Variants in PTPRN2 observed in about 807,000 individuals in gnomAD.
PTPRN2 encodes receptor-type tyrosine-protein phosphatase N2.
Under a neutral mutation model 118.8 loss-of-function variants are expected in PTPRN2, and 74 were observed. The observed-to-expected ratio is 0.62, with a 90% CI of 0.52 to 0.76. The LOEUF is 0.76. PTPRN2 is among the 30% of genes least tolerant of loss of function. The probability of loss-of-function intolerance (pLI) is 0.00; values close to 1 mark genes in which losing one functional copy is unlikely to be tolerated. For missense variants in PTPRN2, 1,481 were observed against 1,394.4 expected, an observed-to-expected ratio of 1.06 and a Z score of -0.99; for synonymous variants, 641 against 608.0, an observed-to-expected ratio of 1.05 and a Z score of -0.80.
intron 12 of PTPRN2, among the ~76,000 whole-genome samples, chr7:157,856,995 A>G (rs1011335273): frequency 6.6e-6 from 1 of 152,044 alleles, no homozygotes; most frequent in Non-Finnish European, 1.5e-5. Flanking sequence ...TCTTCCAAGC[A>G]TTGCTGACAA....
intron 12 of PTPRN2, among the ~76,000 whole-genome samples, chr7:157,866,898 C>A (rs1810724509): frequency 8.2e-6 from 1 of 122,674 alleles, no homozygotes; most frequent in African/African-American, 3.2e-5. Context: ...ACGGCCACCA[C>A]CCCGCCCCCG....
At position 157,676,794 on chromosome 7, in the gene PTPRN2, G is replaced by A. The variant is rs531179395; in HGVS notation, c.2001+5931C>T. ...CCTTTCCACGGGGTGGGTGACTGATGAGGACAGGGGGTGCCTAGGAACAGG... is the reference window on the plus strand; with the variant it reads ...CCTTTCCACGGGGTGGGTGACTGATAAGGACAGGGGGTGCCTAGGAACAGG... On this transcript the variant is annotated intron_variant, in intron 13 of 22. Coordinates refer to ENST00000389418, the MANE Select transcript of PTPRN2 (RefSeq NM_002847.5). This position sits in a 1 kb window ranked among gnomAD's most constrained non-coding sequence, Gnocchi z 5.6. Among the ~76,000 whole-genome samples the A allele has an allele frequency of 1.3e-5, 2 of 152,358 alleles. No individual in the cohort carries two copies. Among genetic ancestry groups the A allele is most frequent in the East Asian group, 3.9e-4 (2 of 5,186 alleles).
At chr7:158,395,634 CAGGGGCGAGGCGCGAGGGGAGAGGGGCG>C (rs1812368084) in intron 2 of PTPRN2, among the ~76,000 whole-genome samples, 9 of 9,624 alleles carry the variant, frequency 9.4e-4, no homozygotes, top group Non-Finnish European at 1.6e-3. Context: ...GGCGAGGGGC[CAGGGGCGAGGCGCGAGGGGAGAGGGGCG>C]AGGGGCGAGG....
At chr7:157,645,364 C>T (rs895135426) in intron 14 of PTPRN2, among the ~76,000 whole-genome samples, 2 of 152,238 alleles carry the variant, frequency 1.3e-5, no homozygotes, top group African/African-American at 4.8e-5. Flanking sequence ...TCGCTGATAC[C>T]TGAGGCTGGG....
chr7:158,374,355 G>A (rs912017555), intron 2 of PTPRN2, among the ~76,000 whole-genome samples: 6 of 152,242 alleles, frequency 3.9e-5, no homozygotes, highest in South Asian at 4.1e-4. Context: ...AGAACACACT[G>A]GCAAAAGGCT....
chr7:157,999,486 CA>C (rs1805050870), intron 11 of PTPRN2, among the ~76,000 whole-genome samples: 1 of 152,184 alleles, frequency 6.6e-6, no homozygotes, highest in African/African-American at 2.4e-5. Flanking sequence ...CACTCTTGCC[CA>C]CTTACCCTGC....
At position 157,619,747 on chromosome 7, in the gene PTPRN2, T is replaced by A. The variant is rs1437242385; in HGVS notation, c.2344+1615A>T. Among the ~76,000 whole-genome samples, 1 of 152,166 alleles carries A rather than the reference T, an allele frequency of 6.6e-6. No homozygotes were observed. Among genetic ancestry groups the A allele is most frequent in the East Asian group, 1.9e-4 (1 of 5,192 alleles). ...GTTAGTTTCTGAAGCAAAACAAGAT[T>A]CCAGCTTCTCACTGTTCTGACCTGT... On this transcript the variant is annotated intron_variant, in intron 15 of 22. Coordinates refer to ENST00000389418, the MANE Select transcript of PTPRN2 (RefSeq NM_002847.5). This position sits in a 1 kb window ranked among gnomAD's most constrained non-coding sequence, Gnocchi z 5.3.
intron 3 of PTPRN2, among the ~76,000 whole-genome samples, chr7:158,302,877 C>T (rs1259616223): frequency 1.3e-5 from 2 of 152,106 alleles, no homozygotes; most frequent in African/African-American, 4.8e-5. Context: ...TTGGAACAGT[C>T]CAGAGGCTAT....
intron 2 of PTPRN2, among the ~76,000 whole-genome samples, chr7:158,341,300 T>C (rs372003073): frequency 0.043 from 3,826 of 88,372 alleles, no homozygotes; most frequent in Middle Eastern, 0.088. Flanking sequence ...CCGACGCCCA[T>C]AGACGTCACT....
chr7:158,040,026 T>C lies in PTPRN2; in HGVS notation c.1723+41272A>G, dbSNP rs116236536. 2.0e-3 allele frequency among the ~76,000 whole-genome samples: 295 copies of C among 149,772 alleles called. 1 individual carries two copies. Among genetic ancestry groups the C allele is most frequent in the African/African-American group, 6.9e-3 (279 of 40,482 alleles). On this transcript the variant is annotated intron_variant, in intron 11 of 22. Transcript: ENST00000389418. ...ATAGCTGAGGAATAATCAGTGAGAA[T>C]GAGGATCTATCAATAAAAACTCCCC...
intron 14 of PTPRN2, among the ~76,000 whole-genome samples, chr7:157,631,846 AAAG>A (rs1396450941): frequency 1.3e-5 from 2 of 151,874 alleles, no homozygotes; most frequent in Non-Finnish European, 2.9e-5. Flanking sequence ...AAAAAAAAAA[AAAG>A]AGAGAATTAA....
At chr7:158,085,324 ACACATGCCCATC>A in intron 10 of PTPRN2, among the ~76,000 whole-genome samples, 1 of 83,850 alleles carries the variant, frequency 1.2e-5, no homozygotes, top group African/African-American at 4.6e-5. Context: ...ACGCCCATTC[ACACATGCCCATC>A]CACACCCATG....
rs144985819 is a variant in PTPRN2, at chr7:158,525,260, T to C, written c.113-35475A>G. Reference sequence around the variant, plus strand: ...AGTAGTCCAGAGGTGAAAGTTTCTCTATTTTGGAAACTGGGCATCTGCCAA... The same window carrying C: ...AGTAGTCCAGAGGTGAAAGTTTCTCCATTTTGGAAACTGGGCATCTGCCAA... On this transcript the variant is annotated intron_variant, in intron 1 of 22. Coordinates refer to ENST00000389418, the MANE Select transcript of PTPRN2 (RefSeq NM_002847.5). The surrounding 1 kb of genome is among the most constrained non-coding windows in gnomAD (Gnocchi z 4.1). Among the ~76,000 whole-genome samples, 745 of 152,294 alleles carry C rather than the reference T, an allele frequency of 4.9e-3. 2 individuals are homozygous for C. Among genetic ancestry groups the C allele is most frequent in the African/African-American group, 0.017 (720 of 41,544 alleles).
chr7:158,305,059 C>T (rs1349221668), intron 3 of PTPRN2, among the ~76,000 whole-genome samples: 2 of 152,158 alleles, frequency 1.3e-5, no homozygotes, highest in East Asian at 1.9e-4. Context: ...TCTGTCTTCA[C>T]GCCTCTGTTC....
chr7:158,486,050 T>A (rs987581054), intron 2 of PTPRN2, among the ~76,000 whole-genome samples: 1 of 152,270 alleles, frequency 6.6e-6, no homozygotes, highest in African/African-American at 2.4e-5. Context: ...TAATGATTTG[T>A]CTACTGTTTT....
chr7:158,261,150 C>T (rs534433662), intron 3 of PTPRN2, among the ~76,000 whole-genome samples: 17 of 152,244 alleles, frequency 1.1e-4, no homozygotes, highest in South Asian at 4.1e-4. Flanking sequence ...TCTTTCCCAG[C>T]GCACCCCAGG....
intron 2 of PTPRN2, among the ~76,000 whole-genome samples, chr7:158,409,904 T>C (rs1052099662): frequency 1.3e-5 from 2 of 152,236 alleles, no homozygotes. Context: ...ATAAAGCTAG[T>C]GTTTTTTTGA....
chr7:158,297,238 A>G (rs1800566308), intron 3 of PTPRN2, among the ~76,000 whole-genome samples: 1 of 152,192 alleles, frequency 6.6e-6, no homozygotes, highest in Non-Finnish European at 1.5e-5. Flanking sequence ...TTTCAGATTG[A>G]TCATCATTCA....
intron 3 of PTPRN2, among the ~76,000 whole-genome samples, chr7:158,293,251 A>G (rs1800238618): frequency 6.6e-6 from 1 of 151,968 alleles, no homozygotes. Context: ...ATTTATAAAA[A>G]TGTTTTTTCT....
Sources: gnomAD v4.1 joint callset for allele counts (sites outside exome capture counted in the v4.1 genomes callset) on GRCh38, gnomAD v4.1.1 for gene constraint, Gnocchi (gnomAD v3.1) non-coding constraint, MANE v1.5 for transcripts, NCBI Gene and HGNC (gene_info 2026-07-23, HGNC 2026-07-21) for gene names.